CSNK1G1: variants seen among roughly 807,000 people sequenced by gnomAD.
CSNK1G1 encodes casein kinase I isoform gamma-1.
Under a neutral mutation model 59.6 loss-of-function variants are expected in CSNK1G1, and 22 were observed. The observed-to-expected ratio is 0.37, with a 90% CI of 0.26 to 0.53. CSNK1G1 has a LOEUF of 0.53. CSNK1G1 is among the 20% of genes least tolerant of loss of function. CSNK1G1 has a pLI of 0.89. For missense variants in CSNK1G1, 384 were observed against 519.5 expected, an observed-to-expected ratio of 0.74 and a Z score of 2.54; for synonymous variants, 179 against 177.1, an observed-to-expected ratio of 1.01 and a Z score of -0.08.
intron 1 of CSNK1G1, among the ~76,000 whole-genome samples, chr15:64,350,190 T>C (rs548670035): frequency 6.6e-6 from 1 of 152,280 alleles, no homozygotes; most frequent in South Asian, 2.1e-4. Flanking sequence ...TGTTAAATAC[T>C]ACTTATAAAA....
chr15:64,336,238 T>G (rs377622079), intron 1 of CSNK1G1, among the ~76,000 whole-genome samples: 6 of 122,016 alleles, frequency 4.9e-5, no homozygotes. Flanking sequence ...ACAAATTATC[T>G]TGATTAACTA....
At chr15:64,229,560 G>A (rs957504266) in intron 4 of CSNK1G1, among the ~76,000 whole-genome samples, 5 of 148,792 alleles carry the variant, frequency 3.4e-5, no homozygotes, top group Admixed American at 1.3e-4. Context: ...CTCCCTGATC[G>A]CTAAACTGAA....
chr15:64,304,313 G>A (rs1031444187), intron 1 of CSNK1G1, among the ~76,000 whole-genome samples: 3 of 150,416 alleles, frequency 2.0e-5, no homozygotes, highest in Non-Finnish European at 4.4e-5. Flanking sequence ...AACCTGGGAG[G>A]CGGAGGGGGC....
At chr15:64,272,865 A>G (rs1267570748) in intron 2 of CSNK1G1, among the ~76,000 whole-genome samples, 1 of 151,814 alleles carries the variant, frequency 6.6e-6, no homozygotes, top group East Asian at 2.0e-4. Flanking sequence ...GGAATGCACC[A>G]CCACATCCAG....
chr15:64,322,193 C>A (rs774665441), intron 1 of CSNK1G1, among the ~76,000 whole-genome samples: 41 of 152,164 alleles, frequency 2.7e-4, no homozygotes, highest in Non-Finnish European at 5.3e-4. Flanking sequence ...TGAATCCTCC[C>A]ATATTCATTT....
chr15:64,269,273 C>T (rs1298577464), intron 2 of CSNK1G1, among the ~76,000 whole-genome samples: 1 of 152,100 alleles, frequency 6.6e-6, no homozygotes, highest in Non-Finnish European at 1.5e-5. Context: ...TTCTTCTTTA[C>T]ATATCCAGTA....
intron 10 of CSNK1G1, among the ~76,000 whole-genome samples, chr15:64,202,573 G>T (rs2082122431): frequency 6.7e-6 from 1 of 149,760 alleles, no homozygotes; most frequent in African/African-American, 2.5e-5. Flanking sequence ...TTTTAAGACA[G>T]GGTCTCACTC....
intron 3 of CSNK1G1, among the ~76,000 whole-genome samples, chr15:64,253,976 C>G (rs1183372276): frequency 6.6e-6 from 1 of 151,960 alleles, no homozygotes; most frequent in Non-Finnish European, 1.5e-5. Context: ...CCCGTCTCTA[C>G]TAAAATACAA....
intron 1 of CSNK1G1, among the ~76,000 whole-genome samples, chr15:64,325,480 T>A (rs1324575255): frequency 6.6e-6 from 1 of 152,244 alleles, no homozygotes; most frequent in Non-Finnish European, 1.5e-5. Context: ...GCTTACTTAC[T>A]TCATACCAAG....
At chr15:64,318,307 A>G (rs1896380378) in intron 1 of CSNK1G1, among the ~76,000 whole-genome samples, 1 of 151,490 alleles carries the variant, frequency 6.6e-6, no homozygotes, top group African/African-American at 2.4e-5. Context: ...GTGTATGCTC[A>G]AAAAAAATAG....
At position 64,294,693 on chromosome 15, in the gene CSNK1G1, C is replaced by T. The variant is rs540027031; in HGVS notation, c.181+5626G>A. Among the ~76,000 whole-genome samples the T allele has an allele frequency of 3.4e-5, 5 of 145,422 alleles. No homozygotes were observed. The East Asian group carries it at 8.4e-4, about 24-fold the overall frequency. On this transcript the variant is annotated intron_variant, in intron 2 of 11. Transcript: ENST00000303052. ...TGGGAGGCCAAGGCAGGCAGATCAC[C>T]TGAGGTCAGGAGTTCAAGACCAGCC...
At chr15:64,277,645 TTAATAATATAGCAATATTGATATATTTAA>T (rs1893746732) in intron 2 of CSNK1G1, among the ~76,000 whole-genome samples, 2 of 130,964 alleles carry the variant, frequency 1.5e-5, no homozygotes, top group African/African-American at 6.0e-5. Flanking sequence ...ATTAATATAT[TTAATAATATAGCAATATTGATATATTTAA>T]TAATATAGCA....
chr15:64,229,520 CTCTCTCTT>C (rs923300640), intron 4 of CSNK1G1, among the ~76,000 whole-genome samples: 37 of 144,866 alleles, frequency 2.6e-4, no homozygotes, highest in African/African-American at 1.0e-3. Context: ...CTCTCTTTCT[CTCTCTCTT>C]TCTCTCTCTC....
At chr15:64,201,706 ATGTGTGTGTGTGTGTG>A (rs10664838) in intron 10 of CSNK1G1, among the ~76,000 whole-genome samples, 30 of 126,544 alleles carry the variant, frequency 2.4e-4, no homozygotes, top group South Asian at 1.0e-3. Flanking sequence ...TCCATTGGAC[ATGTGTGTGTGTGTGTG>A]TGTGTGTGTG....
In CSNK1G1 at chr15:64,253,670, G is replaced by C. The variant is rs146377534; in HGVS notation, c.223-2089C>G. On this transcript the variant is annotated intron_variant, in intron 3 of 11. Transcript: ENST00000303052. ...ACTAAAAGGTGGAAGCGACCTAAGT[G>C]TGCATAATTGGATGAATGGATAAAC... Among the ~76,000 whole-genome samples the C allele has an allele frequency of 6.6e-5, 10 of 152,274 alleles. No individual in the cohort carries two copies. The East Asian group carries it at 1.9e-3, about 29-fold the overall frequency.
In CSNK1G1 at chr15:64,252,946, G is replaced by A. The variant is rs570175808; in HGVS notation, c.223-1365C>T. On this transcript the variant is annotated intron_variant, in intron 3 of 11. Coordinates refer to ENST00000303052, the MANE Select transcript of CSNK1G1 (RefSeq NM_022048.5). Reference sequence around the variant, plus strand: ...AACAGTAGCTGACATGGTGGCTCATGTCTGCCAACCCAGCACTTTCAGAGG... The same window carrying A: ...AACAGTAGCTGACATGGTGGCTCATATCTGCCAACCCAGCACTTTCAGAGG... Among the ~76,000 whole-genome samples, 24 of 152,264 alleles carry A rather than the reference G, an allele frequency of 1.6e-4. 1 individual carries two copies. In the South Asian group the frequency reaches 5.0e-3, roughly 32 times the overall value.
In CSNK1G1 at chr15:64,171,845, G is replaced by T; in HGVS notation, c.*86C>A. ...TGGATATCCACCCTCCCCCAAAGAG[G>T]AGTCCCTTCCAATGAGAAATGGCAG... On this transcript the variant is annotated 3_prime_UTR_variant, in exon 12 of 12. Coordinates refer to ENST00000303052, the MANE Select transcript of CSNK1G1 (RefSeq NM_022048.5). This position sits in a 1 kb window ranked among gnomAD's most constrained non-coding sequence, Gnocchi z 4.8. 2 of 1,157,340 alleles carry T rather than the reference G, an allele frequency of 1.7e-6. No homozygotes were observed. The highest frequency in any genetic ancestry group is 1.3e-6 in the Non-Finnish European group (1 of 765,030). The allele number at this position is 1,157,340 out of a possible 1,614,324, so 71.7% of individuals were successfully genotyped here. A position where few individuals can be genotyped will look rare whatever the true frequency, so the allele number is the denominator to read the frequency against.
intron 4 of CSNK1G1, among the ~76,000 whole-genome samples, chr15:64,231,432 GAT>G (rs754861786): frequency 3.4e-4 from 50 of 145,344 alleles, no homozygotes; most frequent in South Asian, 4.3e-4. Flanking sequence ...TATATATTAG[GAT>G]ATATATATAT....
At chr15:64,178,275 T>C (rs758312673) in intron 11 of CSNK1G1, among the ~76,000 whole-genome samples, 8 of 152,036 alleles carry the variant, frequency 5.3e-5, no homozygotes, top group Middle Eastern at 3.2e-3. Flanking sequence ...AATAGGAGCA[T>C]GTTTCCTTAT....
Sources: gnomAD v4.1 joint callset for allele counts (sites outside exome capture counted in the v4.1 genomes callset) on GRCh38, gnomAD v4.1.1 for gene constraint, Gnocchi (gnomAD v3.1) non-coding constraint, MANE v1.5 for transcripts, NCBI Gene and HGNC (gene_info 2026-07-23, HGNC 2026-07-21) for gene names.